The following ASPSCR1 variants were observed in gnomAD, a reference collection of about 807,000 sequenced individuals.
ASPSCR1 encodes tether containing UBX domain for GLUT4.
In ASPSCR1, 55 loss-of-function variants were observed where a neutral mutation model predicts 68.9. That is an observed-to-expected ratio of 0.80 (90% CI 0.64 to 1.00). ASPSCR1 has a LOEUF of 1.00. Ranked by LOEUF, ASPSCR1 falls within the 50% of genes least tolerant of loss-of-function variation. The probability of loss-of-function intolerance (pLI) is 0.00; values close to 1 mark genes in which losing one functional copy is unlikely to be tolerated. For missense variants in ASPSCR1, 765 were observed against 762.2 expected, an observed-to-expected ratio of 1.00 and a Z score of -0.04; for synonymous variants, 352 against 332.6, an observed-to-expected ratio of 1.06 and a Z score of -0.63.
At chr17:81,994,735 G>A (rs2084531722) in intron 4 of ASPSCR1, 86 bp from the exon 5 acceptor site, 1 of 1,422,210 alleles carries the variant, frequency 7.0e-7, no homozygotes. Context: ...CCACACCTTT[G>A]CTTTCCGAGT....
At chr17:82,000,298 C>T (rs938851157) in intron 7 of ASPSCR1, among the ~76,000 whole-genome samples, 2 of 152,216 alleles carry the variant, frequency 1.3e-5, no homozygotes, top group Non-Finnish European at 2.9e-5. Context: ...CGTGCTCGCC[C>T]GTCGGGAGGC....
At position 81,977,700 on chromosome 17, in the gene ASPSCR1, C is replaced by T; in HGVS notation, c.54C>T (p.Asn18=). Reference sequence around the variant, plus strand: ...CCGCGGTGTCGGTGCTGGCCCCGAACGGCCGGCGCCACACGGTGAAGGTGA... The same window carrying T: ...CCGCGGTGTCGGTGCTGGCCCCGAATGGCCGGCGCCACACGGTGAAGGTGA... ...GGSAVSVLAP[N]GRRHTVKVTP... Residue 18 remains asparagine (N), a synonymous_variant, in exon 1 of 16, where the codon AAC becomes AAT. Transcript: ENST00000306739. The surrounding 1 kb of genome is among the most constrained non-coding windows in gnomAD (Gnocchi z 5.0). 2 of 1,361,072 alleles carry T rather than the reference C, an allele frequency of 1.5e-6. No individual in the cohort carries two copies. The highest frequency in any genetic ancestry group is 1.9e-6 in the Non-Finnish European group (2 of 1,050,156). 84.3% of individuals were successfully genotyped at this position (1,361,072 alleles called of 1,614,324 possible).
chr17:81,994,923 C>G, intron 5 of ASPSCR1, 45 bp downstream of exon 5: 1 of 1,559,186 alleles, frequency 6.4e-7, no homozygotes, highest in South Asian at 1.1e-5. Flanking sequence ...TCACTTTCAG[C>G]CCACTTTCCA....
At chr17:82,003,390 G>T (rs1460353642) in intron 7 of ASPSCR1, among the ~76,000 whole-genome samples, 1 of 152,276 alleles carries the variant, frequency 6.6e-6, no homozygotes, top group Non-Finnish European at 1.5e-5. Context: ...CAAGACTGCA[G>T]TGAGCTGAGA....
At chr17:81,991,303 C>G (rs1015513681) in intron 4 of ASPSCR1, among the ~76,000 whole-genome samples, 1 of 152,222 alleles carries the variant, frequency 6.6e-6, no homozygotes, top group Non-Finnish European at 1.5e-5. Context: ...CCCCAGCCCT[C>G]TGCTCCCAGC....
rs780242386 is a variant in ASPSCR1, at chr17:81,996,461, G to A, written c.548G>A (p.Gly183Glu). 4.4e-6 allele frequency: 7 copies of A among 1,606,924 alleles called. No homozygotes were observed. Among genetic ancestry groups the A allele is most frequent in the Non-Finnish European group, 5.1e-6 (6 of 1,175,794 alleles). Residue 183 changes from glycine to glutamate, a missense_variant, in exon 7 of 16, where the codon GGA becomes GAA. By Grantham distance (98) the Gly-to-Glu change is moderately conservative (BLOSUM62 -2). Coordinates refer to ENST00000306739, the MANE Select transcript of ASPSCR1 (RefSeq NM_024083.4). ...KCYDPVGKTP[G>E]SLGSSASAGQ... Reference sequence around the variant, plus strand: ...TACGACCCCGTGGGCAAGACCCCAGGAAGCCTGGGCTCGTCAGCGTCGGCT... The same window carrying A: ...TACGACCCCGTGGGCAAGACCCCAGAAAGCCTGGGCTCGTCAGCGTCGGCT...
chr17:81,989,540 A>C (rs1653067234), intron 4 of ASPSCR1, among the ~76,000 whole-genome samples: 1 of 152,130 alleles, frequency 6.6e-6, no homozygotes, highest in South Asian at 2.1e-4. Flanking sequence ...GAGTCCAGGG[A>C]CAGTGTAGGC....
At chr17:81,994,102 G>C (rs1474282525) in intron 4 of ASPSCR1, among the ~76,000 whole-genome samples, 1 of 152,260 alleles carries the variant, frequency 6.6e-6, no homozygotes, top group Non-Finnish European at 1.5e-5. Context: ...TCTGGGGCTG[G>C]ATGTGACGGC....
At chr17:81,992,668 C>G (rs2042210355) in intron 4 of ASPSCR1, among the ~76,000 whole-genome samples, 1 of 152,226 alleles carries the variant, frequency 6.6e-6, no homozygotes, top group Non-Finnish European at 1.5e-5. Context: ...TCCTTGAGGC[C>G]TCTCTCTGCC....
chr17:81,989,728 G>A (rs115549610), intron 4 of ASPSCR1, among the ~76,000 whole-genome samples: 3,017 of 152,266 alleles, frequency 0.02, 91 homozygotes, highest in African/African-American at 0.067. Flanking sequence ...ACTGTAGCAC[G>A]CAGCCCTGGC....
Position 81,996,577 on chromosome 17 carries a change from G to C in ASPSCR1, c.664G>C (p.Gly222Arg). 2 of 1,612,062 alleles carry C rather than the reference G, an allele frequency of 1.2e-6. No homozygotes were observed. The highest frequency in any genetic ancestry group is 1.7e-6 in the Non-Finnish European group (2 of 1,178,782). ...LSRPEDADTSGPCCEHTQEKQ... is the reference protein window; with the variant it reads ...LSRPEDADTSRPCCEHTQEKQ... ...CCGTCCGGAGGACGCGGACACCTCA[G>C]GGCCCTGCTGCGAGCACACTCAGGA... The change falls in exon 7 of 16, where the codon GGG becomes CGG. Residue 222 changes from glycine (G) to arginine (R), a missense_variant. By Grantham distance (125) the Gly-to-Arg change is moderately radical (BLOSUM62 -2). Coordinates refer to ENST00000306739, the MANE Select transcript of ASPSCR1 (RefSeq NM_024083.4).
chr17:82,002,464 A>T (rs184171970), intron 7 of ASPSCR1, among the ~76,000 whole-genome samples: 81 of 152,164 alleles, frequency 5.3e-4, no homozygotes, highest in African/African-American at 1.9e-3. Flanking sequence ...CATGTTGGTC[A>T]GGCTGGTCTC....
chr17:81,979,361 A>C, intron 2 of ASPSCR1, 122 bp downstream of exon 2: 3 of 1,086,564 alleles, frequency 2.8e-6, no homozygotes, highest in Non-Finnish European at 4.1e-6. Context: ...TTCCCTCCCA[A>C]CTCTGGAGAC....
At chr17:82,009,351 G>T in intron 8 of ASPSCR1, 135 bp from the exon 9 acceptor site, 1 of 1,358,076 alleles carries the variant, frequency 7.4e-7, no homozygotes, top group South Asian at 1.5e-5. Context: ...CCAGGGAGGG[G>T]CGTCCAGACC....
At position 81,994,895 on chromosome 17, in the gene ASPSCR1, T is replaced by A. The variant is rs1240940021; in HGVS notation, c.432+17T>A. On this transcript the variant is annotated intron_variant, in intron 5 of 15. Coordinates refer to ENST00000306739, the MANE Select transcript of ASPSCR1 (RefSeq NM_024083.4). ...AGGGATGAGGTAGGCGGCCTGCTCT[T>A]GCTCACCCAGTCCCCGCTCACTTTC... 1 of 1,604,874 alleles carries A rather than the reference T, an allele frequency of 6.2e-7. No homozygotes were observed. The highest frequency in any genetic ancestry group is 1.7e-5 in the Admixed American group (1 of 59,424).
rs558077386 is a variant in ASPSCR1, at chr17:81,999,077, GCT to G, written c.933+2232_933+2233del. On this transcript the variant is annotated intron_variant, in intron 7 of 15. Coordinates refer to ENST00000306739, the MANE Select transcript of ASPSCR1 (RefSeq NM_024083.4). This position sits in a 1 kb window ranked among gnomAD's most constrained non-coding sequence, Gnocchi z 4.4. ...GGGCTGCTGAAACCTGACTTCCTCA[GCT>G]TCCTCACCTGCAGAACTAAGGTGTT... is the stretch of plus-strand genomic sequence containing the variant. Among the ~76,000 whole-genome samples the G allele has an allele frequency of 4.9e-4, 75 of 152,370 alleles. No individual in the cohort carries two copies. The highest frequency in any genetic ancestry group is 1.6e-3 in the African/African-American group (67 of 41,584).
chr17:82,000,902 GC>G (rs1405201118), intron 7 of ASPSCR1, among the ~76,000 whole-genome samples: 2 of 152,116 alleles, frequency 1.3e-5, no homozygotes, highest in Non-Finnish European at 2.9e-5. Context: ...CCCAGCAGAC[GC>G]CCCCCACAAC....
intron 7 of ASPSCR1, chr17:82,005,486 C>T (rs2042682985): frequency 6.6e-6 from 1 of 152,170 alleles, no homozygotes; most frequent in African/African-American, 2.4e-5. Context: ...ACCCCGTTGG[C>T]TGAGTGAGAC....
chr17:81,978,492 C>T (rs1361449787), intron 1 of ASPSCR1: 2 of 151,126 alleles, frequency 1.3e-5, no homozygotes, highest in South Asian at 2.1e-4. Flanking sequence ...CGCTACTGCA[C>T]TCCAGCCTGG....
Sources: allele counts gnomAD v4.1 joint callset (sites outside exome capture counted in the v4.1 genomes callset), GRCh38; gene constraint gnomAD v4.1.1; non-coding constraint Gnocchi (gnomAD v3.1); transcripts MANE v1.5; gene names NCBI Gene and HGNC (gene_info 2026-07-23, HGNC 2026-07-21).